WWOX: variants seen among roughly 807,000 people sequenced by gnomAD.
WWOX encodes the protein WW domain containing oxidoreductase, also known as WW domain-containing oxidoreductase.
WWOX carries 69 observed loss-of-function variants against 46.2 expected under a neutral mutation model. That is an observed-to-expected ratio of 1.49 (90% confidence interval 1.23 to 1.82). The LOEUF is 1.82. Among genes scored for constraint, WWOX ranks in the 40% most tolerant of loss-of-function variants. The pLI is 0.00. For missense variants in WWOX, 919 were observed against 542.6 expected (o/e 1.69, Z -6.89); for synonymous variants, 359 against 202.6 (o/e 1.77, Z -6.56).
intron 8 of WWOX, among the ~76,000 whole-genome samples, chr16:78,774,358 G>A (rs1385509661): frequency 2.0e-5 from 3 of 152,096 alleles, no homozygotes; most frequent in Non-Finnish European, 4.4e-5. Flanking sequence ...CCGAGATCGC[G>A]CCACTGCACT....
rs565870272 is a variant in WWOX at position 78,995,916 on chromosome 16, A to G, written c.1057-215692A>G. ...ATCATTTCCAAACGATTTTGCGTTT[A>G]TACCTCTGTGACAGTTCGATTAATT... On this transcript the variant is annotated intron_variant, in intron 8 of 8. Coordinates refer to ENST00000566780, the MANE Select transcript of WWOX (RefSeq NM_016373.4). Among the ~76,000 whole-genome samples the G allele has an allele frequency of 3.3e-5, 5 of 152,342 alleles. No individual in the cohort carries two copies. In the South Asian group the frequency reaches 1.0e-3, roughly 32 times the overall value.
intron 5 of WWOX, among the ~76,000 whole-genome samples, chr16:78,364,273 C>A (rs189614059): frequency 6.6e-6 from 1 of 152,220 alleles, no homozygotes; most frequent in Non-Finnish European, 1.5e-5. Context: ...AGTTACTCTA[C>A]TCTCCTGATA....
At chr16:78,986,883 G>T (rs9926344) in intron 8 of WWOX, among the ~76,000 whole-genome samples, 1 of 151,920 alleles carries the variant, frequency 6.6e-6, no homozygotes, top group African/African-American at 2.4e-5. Context: ...TTCAGGATGC[G>T]CAAGAGACTC....
At chr16:79,141,878 C>T (rs2050096487) in intron 8 of WWOX, among the ~76,000 whole-genome samples, 1 of 151,810 alleles carries the variant, frequency 6.6e-6, no homozygotes, top group Non-Finnish European at 1.5e-5. Flanking sequence ...TGTGATTAGC[C>T]CGTCTAACAG....
intron 8 of WWOX, among the ~76,000 whole-genome samples, chr16:78,991,123 A>C (rs1240971234): frequency 3.3e-5 from 5 of 152,230 alleles, no homozygotes; most frequent in African/African-American, 9.6e-5. Context: ...AAAGTGAAGG[A>C]AAGTACCTTA....
intron 8 of WWOX, among the ~76,000 whole-genome samples, chr16:78,765,343 G>C (rs570472310): frequency 6.6e-6 from 1 of 152,338 alleles, no homozygotes; most frequent in South Asian, 2.1e-4. Context: ...TGAGGGCTTT[G>C]CTCTGACTTC....
intron 3 of WWOX, among the ~76,000 whole-genome samples, chr16:78,113,907 A>G (rs1597216217): frequency 6.6e-6 from 1 of 152,138 alleles, no homozygotes; most frequent in Non-Finnish European, 1.5e-5. Context: ...TAGGGAGATG[A>G]GTATATATTT....
chr16:78,131,287 A>C (rs562266705), intron 4 of WWOX, among the ~76,000 whole-genome samples: 5 of 152,272 alleles, frequency 3.3e-5, no homozygotes, highest in African/African-American at 9.6e-5. Context: ...ATCATAGCTC[A>C]CTGTAGCCTC....
chr16:78,887,234 A>G (rs1368570624), intron 8 of WWOX, among the ~76,000 whole-genome samples: 1 of 151,590 alleles, frequency 6.6e-6, no homozygotes. Flanking sequence ...AACTTAATCC[A>G]TTGTCATGAC....
intron 8 of WWOX, among the ~76,000 whole-genome samples, chr16:79,054,495 A>G (rs1597330020): frequency 1.3e-5 from 2 of 152,176 alleles, no homozygotes; most frequent in African/African-American, 2.4e-5. Flanking sequence ...AATCAGGGGA[A>G]TACATTAATT....
chr16:78,496,587 T>A (rs997859337), intron 8 of WWOX, among the ~76,000 whole-genome samples: 2 of 152,202 alleles, frequency 1.3e-5, no homozygotes, highest in Non-Finnish European at 1.5e-5. Flanking sequence ...GGAAATGGAT[T>A]TGTCCCATTA....
At chr16:78,708,532 C>A (rs990303101) in intron 8 of WWOX, among the ~76,000 whole-genome samples, 1 of 152,142 alleles carries the variant, frequency 6.6e-6, no homozygotes, top group African/African-American at 2.4e-5. Context: ...TTTGCATACT[C>A]TGTTGCTTAT....
intron 8 of WWOX, among the ~76,000 whole-genome samples, chr16:78,849,772 A>G (rs2052395426): frequency 6.6e-6 from 1 of 151,120 alleles, no homozygotes; most frequent in Non-Finnish European, 1.5e-5. Context: ...GGACCCATAA[A>G]AAATAGAGTG....
intron 8 of WWOX, among the ~76,000 whole-genome samples, chr16:78,594,288 C>T (rs943415660): frequency 1.3e-5 from 2 of 152,098 alleles, no homozygotes; most frequent in Non-Finnish European, 2.9e-5. Flanking sequence ...CGATTCCTGA[C>T]ATTTCCGTAG....
chr16:78,556,125 A>G (rs906661791), intron 8 of WWOX, among the ~76,000 whole-genome samples: 4 of 152,238 alleles, frequency 2.6e-5, no homozygotes, highest in East Asian at 1.9e-4. Flanking sequence ...TAGAGACCAC[A>G]GACAGGCTTT....
intron 8 of WWOX, chr16:79,016,265 G>A (rs2047410430): frequency 6.6e-6 from 1 of 152,086 alleles, no homozygotes; most frequent in African/African-American, 2.4e-5. Context: ...CCTCTCCTTT[G>A]GAATGAAACT....
At chr16:78,373,590 G>A (rs1017072672) in intron 5 of WWOX, among the ~76,000 whole-genome samples, 3 of 151,946 alleles carry the variant, frequency 2.0e-5, no homozygotes, top group African/African-American at 7.3e-5. Context: ...CTGAGGGACA[G>A]CTAGTTCTAT....
chr16:78,478,798 G>A (rs2084417576), intron 8 of WWOX, among the ~76,000 whole-genome samples: 1 of 152,088 alleles, frequency 6.6e-6, no homozygotes, highest in Admixed American at 6.5e-5. Context: ...CTGGTGGTGA[G>A]GGTTTTTTAA....
At chr16:78,170,248 T>A (rs770948996) in intron 5 of WWOX, among the ~76,000 whole-genome samples, 1 of 152,154 alleles carries the variant, frequency 6.6e-6, no homozygotes, top group South Asian at 2.1e-4. Flanking sequence ...ATCAGATACA[T>A]CTTATGACCT....
Sources: gnomAD v4.1 joint callset for allele counts (sites outside exome capture counted in the v4.1 genomes callset) on GRCh38, gnomAD v4.1.1 for gene constraint, MANE v1.5 for transcripts, NCBI Gene and HGNC (gene_info 2026-07-23, HGNC 2026-07-21) for gene names.